The following CDC42BPA variants were observed in gnomAD, a reference collection of about 807,000 sequenced individuals.
CDC42BPA encodes the protein serine/threonine-protein kinase MRCK alpha.
A neutral mutation model predicts 223.5 loss-of-function variants in CDC42BPA; 80 were observed. That is an observed-to-expected ratio of 0.36 (90% CI 0.30 to 0.43). CDC42BPA has a LOEUF of 0.43. Ranked by LOEUF, CDC42BPA falls within the 20% of genes least tolerant of loss-of-function variation. CDC42BPA has a pLI of 1.00. For missense variants in CDC42BPA, 1,743 were observed against 2,099.9 expected, an observed-to-expected ratio of 0.83 and a Z score of 3.32; for synonymous variants, 694 against 718.6, an observed-to-expected ratio of 0.97 and a Z score of 0.55.
intron 1 of CDC42BPA, among the ~76,000 whole-genome samples, chr1:227,268,651 T>C (rs982485831): frequency 3.4e-5 from 5 of 147,212 alleles, no homozygotes; most frequent in African/African-American, 1.3e-4. Context: ...ATAGTGTGTG[T>C]GTATATATAT....
chr1:227,045,825 G>A (rs953128973), intron 23 of CDC42BPA, among the ~76,000 whole-genome samples: 1 of 151,394 alleles, frequency 6.6e-6, no homozygotes, highest in African/African-American at 2.4e-5. Flanking sequence ...CTTTTTCTTT[G>A]AGACAGGGTC....
At chr1:227,059,912 C>T (rs1572546418) in intron 21 of CDC42BPA, among the ~76,000 whole-genome samples, 1 of 142,930 alleles carries the variant, frequency 7.0e-6, no homozygotes, top group African/African-American at 3.0e-5. Flanking sequence ...GTTATTTGAA[C>T]AATACTCCAT....
At chr1:227,077,407 T>C (rs1241970207) in intron 17 of CDC42BPA, among the ~76,000 whole-genome samples, 4 of 152,210 alleles carry the variant, frequency 2.6e-5, no homozygotes, top group Non-Finnish European at 5.9e-5. Flanking sequence ...GAATGAGGAA[T>C]GTTTCAAATA....
rs540346540 is a variant in CDC42BPA at position 227,072,160 on chromosome 1, T to C, written c.2827+48A>G. Reference sequence around the variant, plus strand: ...TGATTCTTCTGTAATAAAATATATTTATAACATAACAGTAAGTCCTGAGTG... The same window carrying C: ...TGATTCTTCTGTAATAAAATATATTCATAACATAACAGTAAGTCCTGAGTG... On this transcript the variant is annotated intron_variant, in intron 20 of 36. Transcript: ENST00000366766. The C allele has an allele frequency of 8.9e-6, 9 of 1,009,828 alleles. No homozygotes were observed. In the African/African-American group the frequency reaches 1.5e-4, roughly 17 times the overall value. The allele number at this position is 1,009,828 out of a possible 1,614,324, so 62.6% of individuals were successfully genotyped here.
At chr1:227,033,044 T>C (rs1449916202) in intron 27 of CDC42BPA, among the ~76,000 whole-genome samples, 2 of 152,238 alleles carry the variant, frequency 1.3e-5, no homozygotes, top group Admixed American at 6.5e-5. Context: ...CTCACACTTA[T>C]CTAATTTTCC....
chr1:227,275,526 G>C lies in CDC42BPA; in HGVS notation c.179-21371C>G, dbSNP rs899267432. ...CACAAGATTGATAAACCTCTAAAAG[G>C]AGTGCTGGAAAAAAAGACAGATGAC... On this transcript the variant is annotated intron_variant, in intron 1 of 36. Coordinates refer to ENST00000366766, the MANE Select transcript of CDC42BPA (RefSeq NM_001394014.1). Among the ~76,000 whole-genome samples the C allele has an allele frequency of 2.9e-4, 27 of 92,034 alleles. 1 individual carries two copies. Among genetic ancestry groups the C allele is most frequent in the Non-Finnish European group, 1.9e-4 (8 of 42,204 alleles). 60.4% of individuals were successfully genotyped at this position (92,034 alleles called of 152,430 possible).
At chr1:227,208,588 C>T (rs552251376) in intron 3 of CDC42BPA, among the ~76,000 whole-genome samples, 3,771 of 149,400 alleles carry the variant, frequency 0.025, 64 homozygotes, top group Non-Finnish European at 0.04. Context: ...AGCCAGTTTT[C>T]CCAGCACCAT....
intron 29 of CDC42BPA, 71 bp from the exon 30 acceptor site, chr1:227,029,321 G>T: frequency 9.9e-7 from 1 of 1,013,940 alleles, no homozygotes; most frequent in Non-Finnish European, 1.4e-6. Flanking sequence ...ATACTCAAAA[G>T]GATGTAAGTC....
At chr1:227,279,314 T>C in intron 1 of CDC42BPA, among the ~76,000 whole-genome samples, 1 of 152,144 alleles carries the variant, frequency 6.6e-6, no homozygotes, top group Middle Eastern at 3.2e-3. Flanking sequence ...TTTGAAGATG[T>C]ATTCTAAAAG....
At chr1:227,239,784 C>A (rs1044717548) in intron 2 of CDC42BPA, among the ~76,000 whole-genome samples, 3 of 152,034 alleles carry the variant, frequency 2.0e-5, no homozygotes, top group African/African-American at 7.2e-5. Context: ...AAGGCACCTA[C>A]CAAAATATTG....
At chr1:227,102,574 A>G (rs1003709296) in intron 14 of CDC42BPA, among the ~76,000 whole-genome samples, 9 of 152,186 alleles carry the variant, frequency 5.9e-5, no homozygotes, top group African/African-American at 2.2e-4. Context: ...CAGCATGTAC[A>G]GTAAGTTTCA....
chr1:227,075,320 G>A (rs1194065458), intron 17 of CDC42BPA, among the ~76,000 whole-genome samples: 4 of 152,166 alleles, frequency 2.6e-5, no homozygotes, highest in Non-Finnish European at 4.4e-5. Context: ...GCATGTATCC[G>A]ATGCATACAG....
In CDC42BPA at chr1:227,091,933, C is replaced by G; in HGVS notation, c.2308G>C (p.Val770Leu). The change falls in exon 16 of 37, where the codon GTG becomes CTG. Residue 770 changes from valine to leucine, a missense_variant. Physicochemically the swap from Val to Leu is conservative, Grantham distance 32. Transcript: ENST00000366766. ...TTTTTATTTTCTTCAGTTAACAACA[C>G]TTTTTCTCGTTCATATTGTTGTTTG... ...EFKQQYEREK[V>L]LLTEENKKLT... 1 of 1,609,662 alleles carries G rather than the reference C, an allele frequency of 6.2e-7. No homozygotes were observed. Among genetic ancestry groups the G allele is most frequent in the Non-Finnish European group, 8.5e-7 (1 of 1,178,380 alleles).
At chr1:227,054,879 C>G (rs1318033420) in intron 21 of CDC42BPA, among the ~76,000 whole-genome samples, 1 of 151,718 alleles carries the variant, frequency 6.6e-6, no homozygotes, top group Admixed American at 6.6e-5. Context: ...CTTTTTAGAA[C>G]TATATACTCT....
At chr1:227,042,801 C>A (rs938737688) in intron 23 of CDC42BPA, among the ~76,000 whole-genome samples, 16 of 151,952 alleles carry the variant, frequency 1.1e-4, no homozygotes, top group Non-Finnish European at 1.8e-4. Flanking sequence ...AAAGTATGGA[C>A]TAAAATTAGA....
chr1:227,174,826 A>T lies in CDC42BPA; in HGVS notation c.600-14190T>A, dbSNP rs12071608. Among the ~76,000 whole-genome samples, 259 of 152,342 alleles carry T rather than the reference A, an allele frequency of 1.7e-3. 4 individuals carry two copies. In the East Asian group the frequency reaches 0.037, roughly 22 times the overall value. On this transcript the variant is annotated intron_variant, in intron 5 of 36. Coordinates refer to ENST00000366766, the MANE Select transcript of CDC42BPA (RefSeq NM_001394014.1). The stretch of plus-strand genomic sequence containing the variant: ...ATCCAGTATTTAAGATTTAAAACAA[A>T]GATAGGAAAGCACGTATATTCCACT...
chr1:227,009,688 T>A (rs1045363403), intron 34 of CDC42BPA, among the ~76,000 whole-genome samples: 15 of 152,130 alleles, frequency 9.9e-5, no homozygotes, highest in Admixed American at 9.2e-4. Flanking sequence ...AGTGCTGGGA[T>A]TACATGTATG....
intron 19 of CDC42BPA, 48 bp downstream of exon 19, chr1:227,073,816 T>C (rs16846966): frequency 1.6e-5 from 22 of 1,395,420 alleles, no homozygotes; most frequent in Non-Finnish European, 1.9e-5. Flanking sequence ...CAAATAATTA[T>C]GACAAACTTA....
At chr1:227,170,007 C>G (rs1665807124) in intron 5 of CDC42BPA, among the ~76,000 whole-genome samples, 1 of 152,094 alleles carries the variant, frequency 6.6e-6, no homozygotes, top group Non-Finnish European at 1.5e-5. Flanking sequence ...CAAACATGGC[C>G]TCAATAATAT....
Sources: gnomAD v4.1 joint callset for allele counts (sites outside exome capture counted in the v4.1 genomes callset) on GRCh38, gnomAD v4.1.1 for gene constraint, MANE v1.5 for transcripts, NCBI Gene and HGNC (gene_info 2026-07-23, HGNC 2026-07-21) for gene names.